Variants in ENOPH1 observed in about 807,000 individuals in gnomAD.
ENOPH1 encodes the protein enolase-phosphatase E1.
In ENOPH1, 14 loss-of-function variants were observed where a neutral mutation model predicts 31.1. The observed-to-expected ratio is 0.45, with a 90% CI of 0.30 to 0.70. The LOEUF is 0.70. Ranked by LOEUF, ENOPH1 falls within the 30% of genes least tolerant of loss-of-function variation. The probability of loss-of-function intolerance (pLI) is 0.09; values close to 1 mark genes in which losing one functional copy is unlikely to be tolerated. For missense variants in ENOPH1, 243 were observed against 321.5 expected (o/e 0.76, Z 1.87); for synonymous variants, 127 against 123.2 (o/e 1.03, Z -0.21).
chr4:82,449,399 A>G (rs1313761676), intron 2 of ENOPH1, among the ~76,000 whole-genome samples: 2 of 152,216 alleles, frequency 1.3e-5, no homozygotes, highest in African/African-American at 2.4e-5. Context: ...TCACAGGTCT[A>G]CAGGCTATAC....
intron 3 of ENOPH1, among the ~76,000 whole-genome samples, chr4:82,452,865 G>A (rs1415258347): frequency 1.3e-5 from 2 of 152,040 alleles, no homozygotes; most frequent in East Asian, 3.9e-4. Flanking sequence ...TAGGATTACA[G>A]GCGTGAGCCA....
intron 1 of ENOPH1, among the ~76,000 whole-genome samples, chr4:82,432,034 A>T (rs1383667544): frequency 6.6e-6 from 1 of 150,576 alleles, no homozygotes; most frequent in African/African-American, 2.4e-5. Flanking sequence ...CTCCTGCCCC[A>T]GCCTCTCGAG....
intron 1 of ENOPH1, among the ~76,000 whole-genome samples, chr4:82,431,691 T>C (rs1446759322): frequency 6.6e-6 from 1 of 152,196 alleles, no homozygotes; most frequent in Non-Finnish European, 1.5e-5. Flanking sequence ...ACTTTAATTT[T>C]TGAAAGAATT....
intron 2 of ENOPH1, 33 bp downstream of exon 2, chr4:82,448,054 T>C (rs1409462283): frequency 6.8e-7 from 1 of 1,460,942 alleles, no homozygotes; most frequent in Non-Finnish European, 9.5e-7. Context: ...TTCCCAAGTG[T>C]CTTAGAAATG....
chr4:82,450,192 G>T (rs76874587), intron 2 of ENOPH1, among the ~76,000 whole-genome samples: 3,748 of 152,294 alleles, frequency 0.025, 159 homozygotes, highest in African/African-American at 0.085. Context: ...GAAATACAGT[G>T]AGTCCTTACT....
intron 4 of ENOPH1, among the ~76,000 whole-genome samples, chr4:82,455,146 G>A (rs1234481079): frequency 1.3e-5 from 2 of 152,126 alleles, no homozygotes; most frequent in Admixed American, 6.6e-5. Context: ...AGAGAACAAG[G>A]TGCACTCATT....
At chr4:82,455,479 T>C (rs1223871104) in intron 4 of ENOPH1, among the ~76,000 whole-genome samples, 1 of 152,114 alleles carries the variant, frequency 6.6e-6, no homozygotes, top group East Asian at 1.9e-4. Context: ...CCAGATACTT[T>C]TTAAAAATAA....
intron 2 of ENOPH1, among the ~76,000 whole-genome samples, chr4:82,450,813 G>A (rs559871303): frequency 8.5e-5 from 13 of 152,182 alleles, no homozygotes; most frequent in Admixed American, 4.6e-4. Flanking sequence ...TACAACATGC[G>A]TCTCAGTTTA....
At chr4:82,444,828 C>T (rs756040942) in intron 1 of ENOPH1, among the ~76,000 whole-genome samples, 5 of 152,144 alleles carry the variant, frequency 3.3e-5, no homozygotes, top group Non-Finnish European at 5.9e-5. Flanking sequence ...TGAAAATATT[C>T]GCACATTTAT....
At position 82,451,244 on chromosome 4, in the gene ENOPH1, G is replaced by C. The variant is rs1722343357; in HGVS notation, c.388G>C (p.Glu130Gln). The change falls in exon 3 of 6, where the codon GAG becomes CAG. Residue 130 changes from glutamate to glutamine, a missense_variant and splice_region_variant. Coordinates refer to ENST00000273920, the MANE Select transcript of ENOPH1 (RefSeq NM_021204.5). ...AAFTAGRMKA[E>Q]FFADVVPAVR... ...ATTCACAGCTGGGCGCATGAAAGCA[G>C]AGTATGTGCTTGAGTCAGCCTAAAC... 2 of 1,613,952 alleles carry C rather than the reference G, an allele frequency of 1.2e-6. No homozygotes were observed. Among genetic ancestry groups the C allele is most frequent in the African/African-American group, 2.7e-5 (2 of 74,950 alleles).
Position 82,430,746 on chromosome 4 carries a change from C to A in ENOPH1, c.-84C>A. On this transcript the variant is annotated 5_prime_UTR_variant, in exon 1 of 6. Transcript: ENST00000273920. ...GCGCGGGGCCGCCGGAAGCCCAAGA[C>A]GGTACCGGGGGCCGCAGCCGCAGCC... is the stretch of plus-strand genomic sequence containing the variant. 7.5e-7 allele frequency: 1 copy of A among 1,333,454 alleles called. No individual in the cohort carries two copies. The highest frequency in any genetic ancestry group is 1.1e-6 in the Non-Finnish European group (1 of 932,852). The allele number at this position is 1,333,454 out of a possible 1,614,324, so 82.6% of individuals were successfully genotyped here.
intron 3 of ENOPH1, among the ~76,000 whole-genome samples, chr4:82,452,964 T>C (rs375363606): frequency 3.4e-5 from 5 of 148,106 alleles, no homozygotes; most frequent in African/African-American, 1.0e-4. Context: ...TGCAGTGGCG[T>C]GATCTCAGCT....
chr4:82,446,882 A>T, intron 1 of ENOPH1, among the ~76,000 whole-genome samples: 1 of 141,518 alleles, frequency 7.1e-6, no homozygotes. Context: ...AATTTTTTGT[A>T]TTTTTAGTAG....
In ENOPH1 at chr4:82,447,969, C is replaced by A; in HGVS notation, c.134C>A (p.Thr45Lys). The change falls in exon 2 of 6, where the codon ACA (threonine) becomes AAA (lysine). Residue 45 changes from threonine to lysine, a missense_variant. Coordinates refer to ENST00000273920, the MANE Select transcript of ENOPH1 (RefSeq NM_021204.5). ...IEENVKEYLQTHWEEEECQQD... is the reference protein window; with the variant it reads ...IEENVKEYLQKHWEEEECQQD... ...GAAAATGTTAAAGAGTATCTGCAGACACATTGGGAAGAAGAGGAGTGCCAG... is the reference window on the plus strand; with the variant it reads ...GAAAATGTTAAAGAGTATCTGCAGAAACATTGGGAAGAAGAGGAGTGCCAG... 6.2e-7 allele frequency: 1 copy of A among 1,613,292 alleles called. No individual in the cohort carries two copies. Among genetic ancestry groups the A allele is most frequent in the African/African-American group, 1.3e-5 (1 of 75,018 alleles).
At chr4:82,444,953 T>C (rs1030865296) in intron 1 of ENOPH1, among the ~76,000 whole-genome samples, 2 of 152,198 alleles carry the variant, frequency 1.3e-5, no homozygotes, top group African/African-American at 4.8e-5. Flanking sequence ...TACTGTGGTT[T>C]ATGCCTGTAA....
chr4:82,456,192 T>A (rs1211524485), intron 4 of ENOPH1, among the ~76,000 whole-genome samples: 9 of 139,512 alleles, frequency 6.5e-5, no homozygotes, highest in Non-Finnish European at 1.1e-4. Flanking sequence ...GTTTTAACTT[T>A]AAAAAAAAAA....
chr4:82,430,757 G>A lies in ENOPH1; in HGVS notation c.-73G>A. 6.9e-7 allele frequency: 1 copy of A among 1,449,252 alleles called. No homozygotes were observed. Among genetic ancestry groups the A allele is most frequent in the Non-Finnish European group, 9.7e-7 (1 of 1,034,860 alleles). The allele number at this position is 1,449,252 out of a possible 1,614,324, so 89.8% of individuals were successfully genotyped here. A position where few individuals can be genotyped will look rare whatever the true frequency, so the allele number is the denominator to read the frequency against. On this transcript the variant is annotated 5_prime_UTR_variant, in exon 1 of 6. Coordinates refer to ENST00000273920, the MANE Select transcript of ENOPH1 (RefSeq NM_021204.5). ...CCGGAAGCCCAAGACGGTACCGGGG[G>A]CCGCAGCCGCAGCCGGCGCCGCCCT...
At chr4:82,451,346 C>G in intron 3 of ENOPH1, 101 bp downstream of exon 3, 1 of 1,134,258 alleles carries the variant, frequency 8.8e-7, no homozygotes, top group Non-Finnish European at 1.3e-6. Flanking sequence ...ACTGGTAAAA[C>G]AGATAAAAAT....
intron 1 of ENOPH1, among the ~76,000 whole-genome samples, chr4:82,438,231 G>T (rs1227537473): frequency 6.6e-6 from 1 of 152,134 alleles, no homozygotes; most frequent in Non-Finnish European, 1.5e-5. Flanking sequence ...GATATAGAGA[G>T]TGAAAGCCCT....
Sources: gnomAD v4.1 joint callset for allele counts (sites outside exome capture counted in the v4.1 genomes callset) on GRCh38, gnomAD v4.1.1 for gene constraint, MANE v1.5 for transcripts, NCBI Gene and HGNC (gene_info 2026-07-23, HGNC 2026-07-21) for gene names.